Variants in LRRC7 observed in about 807,000 individuals in gnomAD.
LRRC7 encodes leucine rich repeat containing 7, also known as leucine-rich repeat-containing protein 7.
A neutral mutation model predicts 175.7 loss-of-function variants in LRRC7; 23 were observed. The observed-to-expected ratio is 0.13, with a 90% CI of 0.09 to 0.19. The LOEUF is 0.19. Among genes scored for constraint, LRRC7 ranks in the 10% least tolerant of loss-of-function variants. The pLI is 1.00. For missense variants in LRRC7, 1,354 were observed against 1,904.7 expected (o/e 0.71, Z 5.38); for synonymous variants, 685 against 680.9 (o/e 1.01, Z -0.09).
At chr1:69,726,094 C>A (rs528441260) in intron 2 of LRRC7, among the ~76,000 whole-genome samples, 2 of 152,206 alleles carry the variant, frequency 1.3e-5, no homozygotes, top group South Asian at 4.1e-4. Flanking sequence ...TCAATGTAGT[C>A]AAAATACATT....
At chr1:69,639,776 C>A (rs1145931) in intron 1 of LRRC7, among the ~76,000 whole-genome samples, 31,110 of 151,420 alleles carry the variant, frequency 0.21, 3,880 homozygotes, top group South Asian at 0.29. Flanking sequence ...AAATTCCTGC[C>A]AGGATTTGAA....
chr1:69,639,890 A>G (rs994188249), intron 1 of LRRC7, among the ~76,000 whole-genome samples: 1 of 151,864 alleles, frequency 6.6e-6, no homozygotes, highest in African/African-American at 2.4e-5. Flanking sequence ...CCACAACTTT[A>G]AAACAGGAAA....
chr1:69,753,810 A>T (rs1168823340), intron 2 of LRRC7, among the ~76,000 whole-genome samples: 3 of 152,056 alleles, frequency 2.0e-5, no homozygotes, highest in African/African-American at 7.2e-5. Context: ...GTGAGTAATT[A>T]AAATATGATC....
At chr1:69,585,409 A>G (rs886242719) in intron 1 of LRRC7, among the ~76,000 whole-genome samples, 2 of 152,184 alleles carry the variant, frequency 1.3e-5, no homozygotes, top group Non-Finnish European at 2.9e-5. Flanking sequence ...TTGAAGAGAT[A>G]GAGGAATCCA....
At chr1:69,936,825 G>T (rs1055192714) in intron 8 of LRRC7, among the ~76,000 whole-genome samples, 1 of 152,050 alleles carries the variant, frequency 6.6e-6, no homozygotes. Flanking sequence ...GTGGTATTTG[G>T]TTTTCTGTTC....
At chr1:69,861,910 G>A (rs1570386579) in intron 7 of LRRC7, among the ~76,000 whole-genome samples, 2 of 152,344 alleles carry the variant, frequency 1.3e-5, no homozygotes, top group East Asian at 3.9e-4. Context: ...AGTTGCTACA[G>A]TGTAGCTTTC....
rs555947774 is a variant in LRRC7, at chr1:69,845,359, A to G, written c.647+7076A>G. 2.6e-5 allele frequency among the ~76,000 whole-genome samples: 4 copies of G among 152,268 alleles called. 1 individual carries two copies. The East Asian group carries it at 7.7e-4, about 29-fold the overall frequency. On this transcript the variant is annotated intron_variant, in intron 7 of 26. Transcript: ENST00000651989. ...CACTGTGGTTTTTTTCCTAACCTGA[A>G]TGGCAATAAATGCTACATATTTATA...
chr1:69,893,466 T>A (rs545029597), intron 7 of LRRC7, among the ~76,000 whole-genome samples: 2 of 152,224 alleles, frequency 1.3e-5, no homozygotes, highest in African/African-American at 4.8e-5. Flanking sequence ...TTGGTATGGA[T>A]AATACACTAA....
At chr1:69,837,962 T>C (rs1047610047) in intron 6 of LRRC7, among the ~76,000 whole-genome samples, 3 of 151,678 alleles carry the variant, frequency 2.0e-5, no homozygotes, top group Non-Finnish European at 3.0e-5. Context: ...TACATATAGT[T>C]GTATATATTT....
intron 2 of LRRC7, among the ~76,000 whole-genome samples, chr1:69,742,328 T>A (rs1453486368): frequency 1.3e-5 from 2 of 152,016 alleles, no homozygotes; most frequent in Non-Finnish European, 2.9e-5. Flanking sequence ...TTAATATAGT[T>A]ATAATCATCC....
chr1:69,887,405 C>T (rs1460228790), intron 7 of LRRC7, among the ~76,000 whole-genome samples: 30 of 141,868 alleles, frequency 2.1e-4, no homozygotes, highest in Admixed American at 4.1e-4. Context: ...TCCAGTTGAT[C>T]GCATTGGCTC....
chr1:69,717,770 AAAAGAAAGAAAGAAAG>A (rs754971717), intron 2 of LRRC7, among the ~76,000 whole-genome samples: 1,162 of 42,312 alleles, frequency 0.027, 117 homozygotes, highest in Middle Eastern at 0.077. Context: ...AAAAAAGAAA[AAAAGAAAGAAAGAAAG>A]AAAGAAAGAA....
rs532243218 is a variant in LRRC7, at chr1:69,816,498, A to G, written c.422-9250A>G. Reference sequence around the variant, plus strand: ...CTCCAAAAGTTGTTTTAGCAATTGCATGGTTTTATGGGCATTTCTTATCTC... The same window carrying G: ...CTCCAAAAGTTGTTTTAGCAATTGCGTGGTTTTATGGGCATTTCTTATCTC... On this transcript the variant is annotated intron_variant, in intron 4 of 26. Coordinates refer to ENST00000651989, the MANE Select transcript of LRRC7 (RefSeq NM_001370785.2). 2.6e-5 allele frequency among the ~76,000 whole-genome samples: 4 copies of G among 152,234 alleles called. No homozygotes were observed. The East Asian group carries it at 5.8e-4, about 22-fold the overall frequency.
At position 70,124,716 on chromosome 1, in the gene LRRC7, G is replaced by A. The variant is rs1477220853; in HGVS notation, c.*2829G>A. Among the ~76,000 whole-genome samples, 1 of 150,464 alleles carries A rather than the reference G, an allele frequency of 6.6e-6. No homozygotes were observed. The highest frequency in any genetic ancestry group is 1.5e-5 in the Non-Finnish European group (1 of 67,790). On this transcript the variant is annotated 3_prime_UTR_variant, in exon 27 of 27. Coordinates refer to ENST00000651989, the MANE Select transcript of LRRC7 (RefSeq NM_001370785.2). The stretch of plus-strand genomic sequence containing the variant: ...TTTTGCTGCCTGAAATTAGAATCTG[G>A]TTATTTTAACAATAAAAAAAAGTCA...
At chr1:69,942,400 T>G (rs544214814) in intron 8 of LRRC7, among the ~76,000 whole-genome samples, 1 of 152,194 alleles carries the variant, frequency 6.6e-6, no homozygotes, top group Non-Finnish European at 1.5e-5. Context: ...CAGGCCTACA[T>G]ATATACCTGT....
At position 69,829,381 on chromosome 1, in the gene LRRC7, A is replaced by T. The variant is rs565339480; in HGVS notation, c.500+3555A>T. 2.6e-5 allele frequency among the ~76,000 whole-genome samples: 4 copies of T among 151,998 alleles called. No homozygotes were observed. In the South Asian group the frequency reaches 8.3e-4, roughly 31 times the overall value. ...ATAGATGTACATTTTGGGTGGGCAC[A>T]TGTGATAATTTGATACATTCATGTA... On this transcript the variant is annotated intron_variant, in intron 5 of 26. Transcript: ENST00000651989.
At chr1:69,608,615 T>C (rs936786571) in intron 1 of LRRC7, among the ~76,000 whole-genome samples, 5 of 151,834 alleles carry the variant, frequency 3.3e-5, no homozygotes, top group Non-Finnish European at 7.4e-5. Flanking sequence ...CTAATATAAT[T>C]TCTTTACAGC....
At chr1:69,837,018 A>G (rs1681195232) in intron 6 of LRRC7, among the ~76,000 whole-genome samples, 1 of 151,958 alleles carries the variant, frequency 6.6e-6, no homozygotes, top group African/African-American at 2.4e-5. Context: ...TATCTGTTCT[A>G]AAGTAGCTTC....
At chr1:69,996,987 C>G (rs138711673) in intron 11 of LRRC7, among the ~76,000 whole-genome samples, 41 of 152,172 alleles carry the variant, frequency 2.7e-4, no homozygotes, top group Admixed American at 2.4e-3. Flanking sequence ...AATTACCTTG[C>G]GCAATATGGC....
Sources: gnomAD v4.1 joint callset for allele counts (sites outside exome capture counted in the v4.1 genomes callset) on GRCh38, gnomAD v4.1.1 for gene constraint, MANE v1.5 for transcripts, NCBI Gene and HGNC (gene_info 2026-07-23, HGNC 2026-07-21) for gene names.